The following UNC13C variants were observed in gnomAD, a reference collection of about 807,000 sequenced individuals.
UNC13C encodes the protein protein unc-13 homolog C.
A neutral mutation model predicts 245.4 loss-of-function variants in UNC13C; 174 were observed. The ratio of observed to expected loss-of-function variants is 0.71; its 90% CI spans 0.63 to 0.80. The LOEUF (loss-of-function observed/expected upper bound fraction) is 0.80. UNC13C is among the 30% of genes least tolerant of loss of function. The probability of loss-of-function intolerance (pLI) is 0.00; values close to 1 mark genes in which losing one functional copy is unlikely to be tolerated. For synonymous variants in UNC13C, 992 were observed against 895.1 expected, an observed-to-expected ratio of 1.11 and a Z score of -1.93; for missense variants, 2,829 against 2,602.9, an observed-to-expected ratio of 1.09 and a Z score of -1.89.
At chr15:54,366,102 C>A (rs1332264343) in intron 17 of UNC13C, among the ~76,000 whole-genome samples, 1 of 152,110 alleles carries the variant, frequency 6.6e-6, no homozygotes, top group Non-Finnish European at 1.5e-5. Flanking sequence ...TTATTAATGA[C>A]TCCCTTTAAA....
the UNC13C span, among the ~76,000 whole-genome samples, chr15:53,882,402 C>A: frequency 6.6e-6 from 1 of 152,080 alleles, no homozygotes; most frequent in South Asian, 2.1e-4. Flanking sequence ...TATTATAATT[C>A]ATTATTTATG....
chr15:54,109,031 C>T (rs1900610868), intron 2 of UNC13C, among the ~76,000 whole-genome samples: 1 of 152,084 alleles, frequency 6.6e-6, no homozygotes, highest in Non-Finnish European at 1.5e-5. Context: ...GAGTGGGATT[C>T]CTGTACTCAC....
intron 2 of UNC13C, among the ~76,000 whole-genome samples, chr15:54,086,741 T>C (rs866682947): frequency 6.1e-5 from 8 of 130,552 alleles, no homozygotes; most frequent in African/African-American, 1.9e-4. Context: ...TTCTTTCTTT[T>C]TTTTTTTTTT....
At chr15:54,612,985 C>CACTATTATTTAGAGGTTAT (rs1000453202) in intron 30 of UNC13C, among the ~76,000 whole-genome samples, 7 of 151,798 alleles carry the variant, frequency 4.6e-5, no homozygotes, top group African/African-American at 1.7e-4. Flanking sequence ...CTTGCCATGT[C>CACTATTATTTAGAGGTTAT]ACTATTATTT....
chr15:54,358,947 G>A (rs2039163492), intron 17 of UNC13C, among the ~76,000 whole-genome samples: 1 of 151,600 alleles, frequency 6.6e-6, no homozygotes. Context: ...TGTTAGCTGT[G>A]GTTTGTCATA....
chr15:54,538,882 T>G (rs150805041), intron 26 of UNC13C, among the ~76,000 whole-genome samples: 2 of 151,852 alleles, frequency 1.3e-5, no homozygotes, highest in African/African-American at 2.4e-5. Context: ...AATCAAAAAC[T>G]ACGTATTGGG....
chr15:54,593,110 T>G (rs1898891708), intron 30 of UNC13C, among the ~76,000 whole-genome samples: 1 of 152,330 alleles, frequency 6.6e-6, no homozygotes, highest in Middle Eastern at 3.4e-3. Flanking sequence ...ATAATTGTTT[T>G]ATTTGAGGAG....
the UNC13C span, among the ~76,000 whole-genome samples, chr15:53,940,469 T>C: frequency 6.6e-6 from 1 of 151,824 alleles, no homozygotes; most frequent in Non-Finnish European, 1.5e-5. Flanking sequence ...CTGGCTAGGG[T>C]AATCAGGCAA....
At chr15:54,247,253 T>G (rs1232326208) in intron 7 of UNC13C, among the ~76,000 whole-genome samples, 1 of 152,154 alleles carries the variant, frequency 6.6e-6, no homozygotes, top group East Asian at 1.9e-4. Context: ...TTCCCCTTAT[T>G]TTCCCCTGCC....
chr15:53,925,424 G>C, the UNC13C span, among the ~76,000 whole-genome samples: 6 of 152,152 alleles, frequency 3.9e-5, no homozygotes, highest in African/African-American at 1.4e-4. Context: ...TGAGCCAGAG[G>C]CTTGTTTTCT....
At chr15:54,276,940 A>G (rs1255060420) in intron 10 of UNC13C, among the ~76,000 whole-genome samples, 7 of 152,118 alleles carry the variant, frequency 4.6e-5, no homozygotes, top group Non-Finnish European at 8.8e-5. Context: ...TTTAATAATT[A>G]TTTTCAAAAG....
At chr15:53,884,669 C>A in the UNC13C span, among the ~76,000 whole-genome samples, 1 of 152,120 alleles carries the variant, frequency 6.6e-6, no homozygotes, top group Non-Finnish European at 1.5e-5. Context: ...CCATTCCATT[C>A]CATTCTGCTC....
intron 30 of UNC13C, among the ~76,000 whole-genome samples, chr15:54,607,698 G>A (rs1481002959): frequency 6.6e-6 from 1 of 152,100 alleles, no homozygotes; most frequent in Non-Finnish European, 1.5e-5. Flanking sequence ...TATGGCAAAA[G>A]GCAGAGGGGA....
At chr15:54,176,886 A>G (rs577900524) in intron 4 of UNC13C, among the ~76,000 whole-genome samples, 35 of 152,118 alleles carry the variant, frequency 2.3e-4, no homozygotes, top group Non-Finnish European at 4.4e-4. Context: ...AGAAACATAA[A>G]TGCTACTGAT....
chr15:54,151,908 T>TA (rs752787023), intron 4 of UNC13C, among the ~76,000 whole-genome samples: 9 of 152,164 alleles, frequency 5.9e-5, no homozygotes, highest in Non-Finnish European at 1.2e-4. Context: ...TGACTGCCGA[T>TA]AAAAACACAC....
At chr15:54,510,276 A>G (rs1447890609) in intron 23 of UNC13C, among the ~76,000 whole-genome samples, 2 of 152,132 alleles carry the variant, frequency 1.3e-5, no homozygotes, top group Non-Finnish European at 2.9e-5. Context: ...TTCACACCAA[A>G]TCTTCCCTTT....
intron 4 of UNC13C, among the ~76,000 whole-genome samples, chr15:54,225,253 A>G (rs1396740256): frequency 3.3e-5 from 5 of 151,898 alleles, no homozygotes; most frequent in Admixed American, 1.3e-4. Flanking sequence ...TGATGCCTCC[A>G]GCTTTGTTCT....
At chr15:54,120,814 G>T (rs1293407799) in intron 2 of UNC13C, among the ~76,000 whole-genome samples, 1 of 152,020 alleles carries the variant, frequency 6.6e-6, no homozygotes, top group Non-Finnish European at 1.5e-5. Flanking sequence ...CTTCAGTGAA[G>T]GAAGTAACTA....
chr15:54,042,336 G>C (rs944714822), intron 2 of UNC13C, among the ~76,000 whole-genome samples: 4 of 152,130 alleles, frequency 2.6e-5, no homozygotes, highest in Non-Finnish European at 5.9e-5. Context: ...AGTCCGTAGG[G>C]ATAACTTCAA....
Sources: allele counts gnomAD v4.1 joint callset (sites outside exome capture counted in the v4.1 genomes callset), GRCh38; gene constraint gnomAD v4.1.1; transcripts MANE v1.5; gene names NCBI Gene and HGNC (gene_info 2026-07-23, HGNC 2026-07-21).